The following PCP4 variants were observed in gnomAD, a reference collection of about 807,000 sequenced individuals.
The protein encoded by PCP4 is calmodulin regulator protein PCP4.
In PCP4, 8 loss-of-function variants were observed where a neutral mutation model predicts 10.0. The observed-to-expected ratio is 0.80, with a 90% CI of 0.47 to 1.45. The LOEUF (loss-of-function observed/expected upper bound fraction) is 1.45. Ranked by LOEUF, PCP4 falls within the 40% of genes most tolerant of loss-of-function variation. The pLI, the probability that PCP4 is intolerant of heterozygous loss-of-function variation, is 0.00. For synonymous variants in PCP4, 21 were observed against 23.0 expected (o/e 0.91, Z 0.24); for missense variants, 54 against 74.4 (o/e 0.73, Z 1.01).
chr21:39,873,935 T>A (rs1209428429), intron 1 of PCP4, among the ~76,000 whole-genome samples: 1 of 152,252 alleles, frequency 6.6e-6, no homozygotes, highest in Non-Finnish European at 1.5e-5. Flanking sequence ...CTGAATTTAC[T>A]GCTCATTCCA....
chr21:39,895,682 A>T (rs1435870439), intron 1 of PCP4, among the ~76,000 whole-genome samples: 1 of 152,236 alleles, frequency 6.6e-6, no homozygotes, highest in African/African-American at 2.4e-5. Flanking sequence ...CTACCCCATC[A>T]GGGATGCTGT....
intron 1 of PCP4, among the ~76,000 whole-genome samples, chr21:39,875,261 G>GTTTT (rs11437083): frequency 6.7e-6 from 1 of 149,622 alleles, no homozygotes; most frequent in Non-Finnish European, 1.5e-5. Flanking sequence ...TTTTCTCACA[G>GTTTT]TTTTTTTTTT....
At chr21:39,889,199 T>C (rs1488640838) in intron 1 of PCP4, among the ~76,000 whole-genome samples, 1 of 152,112 alleles carries the variant, frequency 6.6e-6, no homozygotes, top group Non-Finnish European at 1.5e-5. Flanking sequence ...TGAATAAAGC[T>C]CTTACGAATA....
intron 2 of PCP4, among the ~76,000 whole-genome samples, chr21:39,911,292 A>G (rs1410636308): frequency 6.6e-6 from 1 of 152,122 alleles, no homozygotes; most frequent in Non-Finnish European, 1.5e-5. Context: ...AAAATTTAAC[A>G]TTTCCTCTAG....
Position 39,914,900 on chromosome 21 carries a change from G to A in PCP4, c.62-14084G>A, listed in dbSNP as rs142100197. Among the ~76,000 whole-genome samples, 471 of 152,270 alleles carry A rather than the reference G, an allele frequency of 3.1e-3. 2 individuals are homozygous for A. The highest frequency in any genetic ancestry group is 0.01 in the African/African-American group (436 of 41,548). On this transcript the variant is annotated intron_variant, in intron 2 of 2. Coordinates refer to ENST00000328619, the MANE Select transcript of PCP4 (RefSeq NM_006198.3). ...GTGAGCACCCTCAGGAGAGTCAGTC[G>A]ATACCTGGTAAAACCAGGGAATATC...
intron 2 of PCP4, among the ~76,000 whole-genome samples, chr21:39,918,039 C>T (rs2087577486): frequency 6.6e-6 from 1 of 152,100 alleles, no homozygotes; most frequent in Non-Finnish European, 1.5e-5. Context: ...CCTGCTCTGC[C>T]AACACGTTAA....
intron 2 of PCP4, among the ~76,000 whole-genome samples, chr21:39,927,287 T>TATCTATC (rs2087626625): frequency 9.4e-6 from 1 of 106,416 alleles, no homozygotes; most frequent in Admixed American, 9.9e-5. Context: ...CTGATCTATC[T>TATCTATC]ATCTATCTAT....
At chr21:39,903,789 A>G (rs1263194382) in intron 2 of PCP4, among the ~76,000 whole-genome samples, 3 of 149,222 alleles carry the variant, frequency 2.0e-5, no homozygotes, top group Non-Finnish European at 4.4e-5. Flanking sequence ...AATGGCGTGA[A>G]CCTGGGAGGC....
chr21:39,883,206 C>A (rs1779032965), intron 1 of PCP4, among the ~76,000 whole-genome samples: 1 of 152,144 alleles, frequency 6.6e-6, no homozygotes. Flanking sequence ...TCCTACAGAT[C>A]CATGGGGTTG....
At chr21:39,889,665 C>G (rs2087420201) in intron 1 of PCP4, among the ~76,000 whole-genome samples, 1 of 152,024 alleles carries the variant, frequency 6.6e-6, no homozygotes. Flanking sequence ...ATCTGCCTGC[C>G]TCGGCCTCCC....
chr21:39,908,979 G>GT (rs1159149061), intron 2 of PCP4, among the ~76,000 whole-genome samples: 1 of 152,126 alleles, frequency 6.6e-6, no homozygotes, highest in Non-Finnish European at 1.5e-5. Context: ...TAAATTGCAC[G>GT]TATTTCCTTT....
intron 1 of PCP4, among the ~76,000 whole-genome samples, chr21:39,895,371 C>T (rs1018800364): frequency 8.5e-5 from 13 of 152,224 alleles, no homozygotes; most frequent in African/African-American, 3.1e-4. Flanking sequence ...CTGCTTATTC[C>T]TAAAAGCCAA....
intron 2 of PCP4, among the ~76,000 whole-genome samples, chr21:39,909,414 T>G (rs992058081): frequency 2.0e-5 from 3 of 152,204 alleles, no homozygotes; most frequent in African/African-American, 7.2e-5. Flanking sequence ...TGCATATCAC[T>G]AGGTTTAATT....
chr21:39,908,435 C>T (rs2299771), intron 2 of PCP4, among the ~76,000 whole-genome samples: 15,964 of 152,064 alleles, frequency 0.1, 1,131 homozygotes, highest in East Asian at 0.36. Context: ...CCAGTCTGAA[C>T]GGAAGGCCCC....
chr21:39,893,127 C>T (rs2087440950), intron 1 of PCP4, among the ~76,000 whole-genome samples: 1 of 152,136 alleles, frequency 6.6e-6, no homozygotes, highest in Non-Finnish European at 1.5e-5. Flanking sequence ...CCCACCTTCC[C>T]ATCCTCTCTC....
intron 1 of PCP4, among the ~76,000 whole-genome samples, chr21:39,869,514 C>T (rs1013694173): frequency 6.6e-6 from 1 of 152,158 alleles, no homozygotes; most frequent in African/African-American, 2.4e-5. Context: ...CCTCCCCTTG[C>T]TGCTCACAAA....
Position 39,922,773 on chromosome 21 carries a change from G to A in PCP4, c.62-6211G>A, listed in dbSNP as rs78409404. On this transcript the variant is annotated intron_variant, in intron 2 of 2. Transcript: ENST00000328619. ...GGTAATGGACAGGTAGCTAGATAAT[G>A]TAGCAGTTCACGTAGCTGCCCAGCC... is the stretch of plus-strand genomic sequence containing the variant. Among the ~76,000 whole-genome samples the A allele has an allele frequency of 9.2e-3, 1,407 of 152,340 alleles. 25 individuals carry two copies. The highest frequency in any genetic ancestry group is 0.033 in the African/African-American group (1,359 of 41,578).
At chr21:39,889,171 T>C (rs1447443157) in intron 1 of PCP4, among the ~76,000 whole-genome samples, 1 of 152,134 alleles carries the variant, frequency 6.6e-6, no homozygotes, top group Non-Finnish European at 1.5e-5. Flanking sequence ...CTTTCTAGTG[T>C]TGCCAAAGCC....
rs1601183769 is a variant in PCP4, at chr21:39,906,512, T to C, written c.61+7985T>C. ...TAGCCTCTTCATATTTCACCTGCCCTCTTCCTCACCCTTTCTCTTTCTCCC... is the reference window on the plus strand; with the variant it reads ...TAGCCTCTTCATATTTCACCTGCCCCCTTCCTCACCCTTTCTCTTTCTCCC... On this transcript the variant is annotated intron_variant, in intron 2 of 2. Transcript: ENST00000328619. The surrounding 1 kb of genome is among the most constrained non-coding windows in gnomAD (Gnocchi z 6.3). 2.6e-5 allele frequency among the ~76,000 whole-genome samples: 4 copies of C among 152,124 alleles called. No individual in the cohort carries two copies. The South Asian group carries it at 8.3e-4, about 32-fold the overall frequency.
Sources: allele counts gnomAD v4.1 joint callset (sites outside exome capture counted in the v4.1 genomes callset), GRCh38; gene constraint gnomAD v4.1.1; non-coding constraint Gnocchi (gnomAD v3.1); transcripts MANE v1.5; gene names NCBI Gene and HGNC (gene_info 2026-07-23, HGNC 2026-07-21).